The following MYOM2 variants were observed in gnomAD, a reference collection of about 807,000 sequenced individuals.
The protein encoded by MYOM2 is myomesin-2.
A neutral mutation model predicts 187.6 loss-of-function variants in MYOM2; 254 were observed. That is an observed-to-expected ratio of 1.35 (90% CI 1.22 to 1.50). MYOM2 has a LOEUF of 1.50. Among genes scored for constraint, MYOM2 ranks in the 40% most tolerant of loss-of-function variants. MYOM2 has a pLI of 0.00. For missense variants in MYOM2, 2,796 were observed against 1,924.0 expected, an observed-to-expected ratio of 1.45 and a Z score of -8.48; for synonymous variants, 981 against 753.8, an observed-to-expected ratio of 1.30 and a Z score of -4.94.
At chr8:2,125,480 G>A (rs904047165) in intron 31 of MYOM2, among the ~76,000 whole-genome samples, 2 of 151,898 alleles carry the variant, frequency 1.3e-5, no homozygotes, top group South Asian at 4.1e-4. Flanking sequence ...ATGCTGTTTT[G>A]GTTTCTGTAA....
chr8:2,112,989 C>T (rs1005268327), intron 25 of MYOM2, among the ~76,000 whole-genome samples: 2 of 152,194 alleles, frequency 1.3e-5, no homozygotes, highest in African/African-American at 4.8e-5. Flanking sequence ...CAAGAGCCTC[C>T]TTGGGTCCTG....
chr8:2,100,759 C>T (rs575972743), intron 19 of MYOM2, 117 bp from the exon 20 acceptor site: 37 of 921,312 alleles, frequency 4.0e-5, no homozygotes, highest in Middle Eastern at 2.8e-4. Flanking sequence ...GGAACAGATA[C>T]GGATGGTCCT....
chr8:2,053,953 G>A (rs2129327941), intron 3 of MYOM2, among the ~76,000 whole-genome samples: 1 of 152,274 alleles, frequency 6.6e-6, no homozygotes, highest in South Asian at 2.1e-4. Flanking sequence ...GGATCTCAGT[G>A]AGTTGGGCAA....
intron 36 of MYOM2, among the ~76,000 whole-genome samples, chr8:2,143,780 C>G (rs35862926): frequency 0.17 from 26,563 of 152,130 alleles, 2,764 homozygotes; most frequent in Middle Eastern, 0.26. Flanking sequence ...CCCAGAGGAG[C>G]AACTGCAGGA....
intron 13 of MYOM2, among the ~76,000 whole-genome samples, chr8:2,084,708 A>G (rs975566504): frequency 3.3e-5 from 5 of 152,212 alleles, no homozygotes; most frequent in African/African-American, 9.6e-5. Flanking sequence ...CCAGAATTCA[A>G]ACATGCAGAC....
chr8:2,057,429 C>T lies in MYOM2; in HGVS notation c.345C>T (p.Val115=), dbSNP rs768532804. ...AGCTGGCCCACTTGGAGGAGGATGT[C>T]CACCTGGCACGCTCCCAGGCCCGCG... The part of the protein sequence containing the change: ...LSELAHLEED[V]HLARSQARDK... Residue 115 remains valine (V), a synonymous_variant, in exon 4 of 37, where the codon GTC becomes GTT. Transcript: ENST00000262113. 16 of 1,613,970 alleles carry T rather than the reference C, an allele frequency of 9.9e-6. No individual in the cohort carries two copies. The highest frequency in any genetic ancestry group is 1.4e-5 in the Non-Finnish European group (16 of 1,179,974).
chr8:2,112,515 C>T (rs114827969), intron 25 of MYOM2, among the ~76,000 whole-genome samples: 10 of 151,776 alleles, frequency 6.6e-5, no homozygotes, highest in South Asian at 2.1e-4. Context: ...GTGGGCTCAA[C>T]GGAGGGGGCT....
chr8:2,112,667 G>C (rs1797106351), intron 25 of MYOM2, among the ~76,000 whole-genome samples: 1 of 152,196 alleles, frequency 6.6e-6, no homozygotes, highest in Non-Finnish European at 1.5e-5. Context: ...CAAGTGGCCA[G>C]TTTGCTAATA....
chr8:2,078,470 G>C (rs1377936118), intron 11 of MYOM2, among the ~76,000 whole-genome samples: 1 of 152,096 alleles, frequency 6.6e-6, no homozygotes, highest in African/African-American at 2.4e-5. Context: ...GACAGAAATT[G>C]ATCTTCAGCT....
intron 8 of MYOM2, among the ~76,000 whole-genome samples, chr8:2,070,723 C>T (rs77419876): frequency 0.011 from 1,614 of 152,352 alleles, 17 homozygotes; most frequent in African/African-American, 0.035. Flanking sequence ...CCGTGTTTGA[C>T]AGAGGGAAAT....
chr8:2,133,149 G>C (rs1797934976), intron 32 of MYOM2, among the ~76,000 whole-genome samples: 1 of 146,844 alleles, frequency 6.8e-6, no homozygotes, highest in South Asian at 2.2e-4. Context: ...TCACTATTTA[G>C]ACAGCAGTAG....
chr8:2,100,903 A>G lies in MYOM2; in HGVS notation c.2468A>G (p.Glu823Gly). 1.2e-6 allele frequency: 2 copies of G among 1,614,164 alleles called. No homozygotes were observed. The highest frequency in any genetic ancestry group is 1.7e-6 in the Non-Finnish European group (2 of 1,180,024). Reference sequence around the variant, plus strand: ...CCTGCCTACGACTTGACGTTCTGTGAGGTCAGGGACACGTCCTTGGTCATG... The same window carrying G: ...CCTGCCTACGACTTGACGTTCTGTGGGGTCAGGGACACGTCCTTGGTCATG... ...PGPAYDLTFC[E>G]VRDTSLVMLW... The change falls in exon 20 of 37, where the codon GAG becomes GGG. Residue 823 changes from glutamate (E) to glycine (G), a missense_variant. By Grantham distance (98) the Glu-to-Gly change is moderately conservative (BLOSUM62 -2). Transcript: ENST00000262113.
At chr8:2,108,051 T>C (rs1388943397) in intron 23 of MYOM2, among the ~76,000 whole-genome samples, 1 of 152,196 alleles carries the variant, frequency 6.6e-6, no homozygotes, top group African/African-American at 2.4e-5. Flanking sequence ...CAGTTGCCAA[T>C]ATGAATTTAC....
intron 1 of MYOM2, among the ~76,000 whole-genome samples, chr8:2,050,141 G>C (rs1204623731): frequency 6.6e-6 from 1 of 152,138 alleles, no homozygotes; most frequent in East Asian, 1.9e-4. Context: ...CGTCTTTCCA[G>C]AGTGATTTCT....
chr8:2,102,956 C>T (rs1433159892), intron 21 of MYOM2, among the ~76,000 whole-genome samples, 175 bp downstream of exon 21: 13 of 145,918 alleles, frequency 8.9e-5, no homozygotes, highest in East Asian at 4.2e-4. Flanking sequence ...GCATGTGTTA[C>T]GTGTACATGT....
intron 19 of MYOM2, chr8:2,100,526 A>G: frequency 3.9e-6 from 1 of 257,918 alleles, no homozygotes; most frequent in Non-Finnish European, 7.6e-6. Flanking sequence ...AGTGACTGTG[A>G]CTGCCAGGTG....
chr8:2,077,614 C>G (rs1013501448), intron 11 of MYOM2, among the ~76,000 whole-genome samples: 47 of 152,234 alleles, frequency 3.1e-4, no homozygotes, highest in African/African-American at 1.0e-3. Flanking sequence ...GCAACTACAG[C>G]AAGAAAAACA....
intron 12 of MYOM2, 120 bp from the exon 13 acceptor site, chr8:2,079,440 A>G (rs1173950559): frequency 5.4e-6 from 5 of 920,838 alleles, no homozygotes; most frequent in Middle Eastern, 2.7e-4. Context: ...ATGCCCCCAG[A>G]GGACTCACAG....
At chr8:2,121,826 G>A (rs1797469896) in intron 28 of MYOM2, among the ~76,000 whole-genome samples, 1 of 152,222 alleles carries the variant, frequency 6.6e-6, no homozygotes, top group Admixed American at 6.5e-5. Flanking sequence ...GTGTGAGTCA[G>A]GCATGGGCCA....
Sources: allele counts gnomAD v4.1 joint callset (sites outside exome capture counted in the v4.1 genomes callset), GRCh38; gene constraint gnomAD v4.1.1; transcripts MANE v1.5; gene names NCBI Gene and HGNC (gene_info 2026-07-23, HGNC 2026-07-21).